Variants in PTPRD observed in about 807,000 individuals in gnomAD.
The protein encoded by PTPRD is receptor-type tyrosine-protein phosphatase delta.
In PTPRD, 34 loss-of-function variants were observed where a neutral mutation model predicts 214.5. The ratio of observed to expected loss-of-function variants is 0.16; its 90% CI spans 0.12 to 0.21. PTPRD has a LOEUF of 0.21. Among genes scored for constraint, PTPRD ranks in the 10% least tolerant of loss-of-function variants. The probability of loss-of-function intolerance (pLI) is 1.00; values close to 1 mark genes in which losing one functional copy is unlikely to be tolerated. For missense variants in PTPRD, 2,545 were observed against 2,398.7 expected (o/e 1.06, Z -1.27); for synonymous variants, 1,128 against 845.7 (o/e 1.33, Z -5.79).
intron 2 of PTPRD, among the ~76,000 whole-genome samples, chr9:10,457,286 G>C (rs368322191): frequency 8.6e-5 from 13 of 151,814 alleles, no homozygotes; most frequent in Non-Finnish European, 1.3e-4. Context: ...TCGGGATATT[G>C]AAAGTTTCCT....
chr9:9,570,167 C>G lies in PTPRD; in HGVS notation c.-237+4565G>C, dbSNP rs978079814. 2.6e-5 allele frequency among the ~76,000 whole-genome samples: 4 copies of G among 151,358 alleles called. No homozygotes were observed. The East Asian group carries it at 7.7e-4, about 29-fold the overall frequency. On this transcript the variant is annotated intron_variant, in intron 8 of 45. Transcript: ENST00000381196. ...CAAATTCAAACTTCATTTATGTTAC[C>G]AAAACTTTTTACCCACGTCTTTCTA...
chr9:8,790,954 G>T (rs2096205783), intron 11 of PTPRD, among the ~76,000 whole-genome samples: 1 of 152,168 alleles, frequency 6.6e-6, no homozygotes, highest in African/African-American at 2.4e-5. Flanking sequence ...CAAAACAGAA[G>T]ATACAGAACG....
intron 9 of PTPRD, among the ~76,000 whole-genome samples, chr9:9,211,851 G>A (rs2890859): frequency 1.3e-5 from 2 of 151,656 alleles, no homozygotes; most frequent in South Asian, 2.1e-4. Context: ...TTTCAGCCAG[G>A]CTGAGTAACT....
intron 31 of PTPRD, among the ~76,000 whole-genome samples, chr9:8,466,973 T>C (rs1366584606): frequency 1.3e-5 from 2 of 151,822 alleles, no homozygotes; most frequent in Non-Finnish European, 2.9e-5. Flanking sequence ...ATTCTTCCAT[T>C]AGGAATTTGA....
chr9:9,423,083 G>A (rs1185796270), intron 8 of PTPRD, among the ~76,000 whole-genome samples: 1 of 152,130 alleles, frequency 6.6e-6, no homozygotes, highest in Non-Finnish European at 1.5e-5. Flanking sequence ...TGAAGTTCTT[G>A]TTTGGAGGGA....
intron 2 of PTPRD, among the ~76,000 whole-genome samples, chr9:10,511,607 G>T (rs368909295): frequency 4.2e-5 from 6 of 143,690 alleles, no homozygotes; most frequent in African/African-American, 1.6e-4. Context: ...GTACAGACAG[G>T]ATTTCATCAT....
chr9:9,397,163 C>G (rs974105668), intron 9 of PTPRD, among the ~76,000 whole-genome samples: 1 of 151,894 alleles, frequency 6.6e-6, no homozygotes, highest in Non-Finnish European at 1.5e-5. Context: ...AAAAGAGTAA[C>G]TAACAACAGG....
chr9:9,879,804 G>A (rs1375775248), intron 5 of PTPRD, among the ~76,000 whole-genome samples: 1 of 152,156 alleles, frequency 6.6e-6, no homozygotes, highest in Non-Finnish European at 1.5e-5. Context: ...TTTCTGATCA[G>A]CTTAATATTG....
At chr9:10,593,045 C>T (rs972342715) in intron 2 of PTPRD, among the ~76,000 whole-genome samples, 15 of 151,948 alleles carry the variant, frequency 9.9e-5, no homozygotes, top group Middle Eastern at 3.2e-3. Context: ...CGAAGGTCTG[C>T]GGCATCATTC....
intron 5 of PTPRD, among the ~76,000 whole-genome samples, chr9:9,922,401 T>C (rs2382064): frequency 0.093 from 14,093 of 152,086 alleles, 1,345 homozygotes; most frequent in East Asian, 0.29. Flanking sequence ...GTAACCTTCT[T>C]TCCCTTTTTG....
chr9:10,022,518 G>A (rs1313813551), intron 4 of PTPRD, among the ~76,000 whole-genome samples: 1 of 152,112 alleles, frequency 6.6e-6, no homozygotes, highest in African/African-American at 2.4e-5. Context: ...AGTAATCACG[G>A]TTTTTGCCAT....
chr9:9,846,712 T>C (rs1174441549), intron 5 of PTPRD, among the ~76,000 whole-genome samples: 1 of 152,040 alleles, frequency 6.6e-6, no homozygotes, highest in Non-Finnish European at 1.5e-5. Flanking sequence ...AAACACCAAC[T>C]AAACCAAATG....
chr9:10,316,338 C>A (rs1262191101), intron 3 of PTPRD, among the ~76,000 whole-genome samples: 1 of 151,590 alleles, frequency 6.6e-6, no homozygotes, highest in Non-Finnish European at 1.5e-5. Context: ...GAAAATGCAA[C>A]CTTAGTTATA....
chr9:10,219,877 T>G (rs1370172631), intron 3 of PTPRD, among the ~76,000 whole-genome samples: 6 of 151,796 alleles, frequency 4.0e-5, no homozygotes, highest in Admixed American at 3.3e-4. Flanking sequence ...CCAGAAAGAT[T>G]CATTTCATAA....
chr9:8,770,791 A>G (rs751480073), intron 11 of PTPRD, among the ~76,000 whole-genome samples: 6 of 151,274 alleles, frequency 4.0e-5, no homozygotes, highest in African/African-American at 1.2e-4. Flanking sequence ...TTCAAACTCA[A>G]TTGAAAGGCA....
At chr9:8,555,816 G>A (rs1299446292) in intron 14 of PTPRD, among the ~76,000 whole-genome samples, 6 of 152,028 alleles carry the variant, frequency 3.9e-5, no homozygotes, top group African/African-American at 1.4e-4. Context: ...GATTGCAGAT[G>A]GACTGAAAGT....
At chr9:9,246,236 A>T (rs1390447897) in intron 9 of PTPRD, among the ~76,000 whole-genome samples, 1 of 152,010 alleles carries the variant, frequency 6.6e-6, no homozygotes, top group East Asian at 1.9e-4. Context: ...GAATGTTTTT[A>T]GTGTCCTCCG....
chr9:8,509,778 T>C (rs2097637583), intron 21 of PTPRD, among the ~76,000 whole-genome samples: 1 of 152,212 alleles, frequency 6.6e-6, no homozygotes, highest in Non-Finnish European at 1.5e-5. Flanking sequence ...TTGTTTCTAT[T>C]AAGAGCCCCT....
At chr9:9,839,154 G>A (rs917848822) in intron 5 of PTPRD, among the ~76,000 whole-genome samples, 2 of 152,144 alleles carry the variant, frequency 1.3e-5, no homozygotes, top group Non-Finnish European at 2.9e-5. Flanking sequence ...GTACCATGCT[G>A]TTTTGGTTAC....
Sources: allele counts gnomAD v4.1 joint callset (sites outside exome capture counted in the v4.1 genomes callset), GRCh38; gene constraint gnomAD v4.1.1; transcripts MANE v1.5; gene names NCBI Gene and HGNC (gene_info 2026-07-23, HGNC 2026-07-21).